The following CAST variants were observed in gnomAD, a reference collection of about 807,000 sequenced individuals.
CAST encodes MIR583 host.
Under a neutral mutation model 119.6 loss-of-function variants are expected in CAST, and 76 were observed. That is an observed-to-expected ratio of 0.64 (90% CI 0.53 to 0.77). The LOEUF is 0.77. Among genes scored for constraint, CAST ranks in the 30% least tolerant of loss-of-function variants. The probability of loss-of-function intolerance (pLI) is 0.00; values close to 1 mark genes in which losing one functional copy is unlikely to be tolerated. For missense variants in CAST, 953 were observed against 946.5 expected, an observed-to-expected ratio of 1.01 and a Z score of -0.09; for synonymous variants, 319 against 331.6, an observed-to-expected ratio of 0.96 and a Z score of 0.41.
the CAST span, among the ~76,000 whole-genome samples, chr5:96,004,815 C>T: frequency 2.6e-5 from 4 of 152,106 alleles, no homozygotes; most frequent in East Asian, 3.9e-4. Flanking sequence ...GAACACAAGT[C>T]TCCAGGTTGA....
chr5:96,567,159 C>A (rs1246604045), intron 1 of CAST, among the ~76,000 whole-genome samples: 3 of 152,212 alleles, frequency 2.0e-5, no homozygotes, highest in Non-Finnish European at 4.4e-5. Flanking sequence ...CAGCACAACA[C>A]TGCCAGACAA....
chr5:96,662,652 A>G (rs920892585), intron 1 of CAST, among the ~76,000 whole-genome samples, 155 bp downstream of exon 1: 5 of 59,776 alleles, frequency 8.4e-5, no homozygotes, highest in African/African-American at 5.7e-4. Flanking sequence ...GGCCGCTGCC[A>G]GGCAGGTGGC....
chr5:96,119,434 A>C, the CAST span, among the ~76,000 whole-genome samples: 1 of 152,168 alleles, frequency 6.6e-6, no homozygotes, highest in Non-Finnish European at 1.5e-5. Flanking sequence ...AAGACCTGGG[A>C]TCTCTAGATG....
At chr5:96,662,592 G>T in intron 1 of CAST, 95 bp downstream of exon 1, 2 of 1,287,726 alleles carry the variant, frequency 1.6e-6, no homozygotes, top group Non-Finnish European at 2.0e-6. Context: ...CAGGCTGGCG[G>T]GTCTGCAGTC....
At chr5:96,137,865 G>C in the CAST span, among the ~76,000 whole-genome samples, 256 of 152,006 alleles carry the variant, frequency 1.7e-3, 1 homozygote, top group African/African-American at 5.9e-3. Context: ...ATTTTTAAGT[G>C]TTCTTTCTAT....
the CAST span, among the ~76,000 whole-genome samples, chr5:96,069,117 G>A: frequency 6.7e-6 from 1 of 148,886 alleles, no homozygotes; most frequent in South Asian, 2.1e-4. Context: ...CCGTCTTCAT[G>A]TATGTATACA....
intron 1 of CAST, among the ~76,000 whole-genome samples, chr5:96,554,102 T>A (rs181398012): frequency 1.6e-4 from 25 of 152,192 alleles, no homozygotes; most frequent in African/African-American, 5.8e-4. Context: ...GCCAAGACAA[T>A]CCTGGGCAAG....
At chr5:96,126,813 G>A in the CAST span, among the ~76,000 whole-genome samples, 1 of 151,964 alleles carries the variant, frequency 6.6e-6, no homozygotes, top group Non-Finnish European at 1.5e-5. Flanking sequence ...TCCTTTTTAG[G>A]TGAGAAAATT....
the CAST span, among the ~76,000 whole-genome samples, chr5:96,105,809 G>T: frequency 6.6e-6 from 1 of 152,160 alleles, no homozygotes; most frequent in South Asian, 2.1e-4. Flanking sequence ...CAGAAGGAAT[G>T]GTACCAGTTC....
chr5:95,989,408 C>G, the CAST span, among the ~76,000 whole-genome samples: 3 of 152,094 alleles, frequency 2.0e-5, no homozygotes, highest in African/African-American at 7.2e-5. Flanking sequence ...GGACCAGCTC[C>G]CCAGTGAGTA....
chr5:96,244,857 G>A, the CAST span, among the ~76,000 whole-genome samples: 1 of 152,166 alleles, frequency 6.6e-6, no homozygotes, highest in South Asian at 2.1e-4. Flanking sequence ...TGACTTTGTG[G>A]GTAATTAAGA....
chr5:96,610,484 A>C (rs977959544), intron 1 of CAST, among the ~76,000 whole-genome samples: 1 of 152,202 alleles, frequency 6.6e-6, no homozygotes, highest in Non-Finnish European at 1.5e-5. Flanking sequence ...CATGACAAAA[A>C]TCCTCAAGAA....
the CAST span, among the ~76,000 whole-genome samples, chr5:96,335,189 T>A: frequency 6.6e-6 from 1 of 152,234 alleles, no homozygotes. Context: ...CTCTTAGTGA[T>A]GTCCTATCTC....
chr5:96,512,802 T>A, the CAST span, among the ~76,000 whole-genome samples: 1 of 152,212 alleles, frequency 6.6e-6, no homozygotes, highest in Non-Finnish European at 1.5e-5. Context: ...ATTAAATCTT[T>A]AGTATGAATA....
the CAST span, among the ~76,000 whole-genome samples, chr5:96,340,174 AT>A: frequency 1.3e-5 from 2 of 152,224 alleles, no homozygotes; most frequent in Non-Finnish European, 2.9e-5. Context: ...AATGCCAACT[AT>A]TAAACAAGGA....
At chr5:96,473,169 C>A in the CAST span, among the ~76,000 whole-genome samples, 2 of 152,168 alleles carry the variant, frequency 1.3e-5, no homozygotes, top group African/African-American at 2.4e-5. Context: ...TCAGAGGTAC[C>A]AGGGGTTAGG....
At chr5:96,362,848 A>G in the CAST span, among the ~76,000 whole-genome samples, 13 of 151,906 alleles carry the variant, frequency 8.6e-5, no homozygotes, top group Non-Finnish European at 1.5e-4. Flanking sequence ...ATTAGATCCC[A>G]TTTGTCAATT....
the CAST span, among the ~76,000 whole-genome samples, chr5:96,022,708 A>G: frequency 6.6e-6 from 1 of 152,134 alleles, no homozygotes; most frequent in Admixed American, 6.5e-5. Context: ...ATACAAAGAG[A>G]CTTAGTTTAA....
the CAST span, among the ~76,000 whole-genome samples, chr5:96,330,846 G>A: frequency 6.6e-6 from 1 of 152,090 alleles, no homozygotes; most frequent in African/African-American, 2.4e-5. Context: ...ATGAGTGTGT[G>A]GACCCTGGAG....
Sources: allele counts gnomAD v4.1 joint callset (sites outside exome capture counted in the v4.1 genomes callset), GRCh38; gene constraint gnomAD v4.1.1; transcripts MANE v1.5; gene names NCBI Gene and HGNC (gene_info 2026-07-23, HGNC 2026-07-21).